The following DUSP16 variants were observed in gnomAD, a reference collection of about 807,000 sequenced individuals.
The protein encoded by DUSP16 is dual specificity phosphatase 16, also known as dual specificity protein phosphatase 16.
A neutral mutation model predicts 58.3 loss-of-function variants in DUSP16; 21 were observed. The ratio of observed to expected loss-of-function variants is 0.36; its 90% CI spans 0.26 to 0.52. DUSP16 has a LOEUF of 0.52. DUSP16 is among the 20% of genes least tolerant of loss of function. The pLI, the probability that DUSP16 is intolerant of heterozygous loss-of-function variation, is 0.94. For synonymous variants in DUSP16, 320 were observed against 323.8 expected (o/e 0.99, Z 0.12); for missense variants, 726 against 819.0 (o/e 0.89, Z 1.39).
At position 12,562,574 on chromosome 12, in the gene DUSP16, TGGGGGGTTGGG is replaced by T. The variant is rs1398200675; in HGVS notation, c.-834_-824del. On this transcript the variant is annotated 5_prime_UTR_variant, in exon 1 of 7. Coordinates refer to ENST00000298573, the MANE Select transcript of DUSP16 (RefSeq NM_030640.3). ...GAGGGGGAAAGGCGGGGGGGTGGGG[TGGGGGGTTGGG>T]GGAAAGAGAAAGAGTCGCTGGTCAG... 1.1e-4 allele frequency among the ~76,000 whole-genome samples: 1 copy of T among 9,104 alleles called. No individual in the cohort carries two copies. The highest frequency in any genetic ancestry group is 2.4e-4 in the Non-Finnish European group (1 of 4,248). The allele number at this position is 9,104 out of a possible 152,430, so 6.0% of individuals were successfully genotyped here.
chr12:12,486,980 C>G (rs918914880), intron 5 of DUSP16, 48 bp downstream of exon 5: 2 of 1,604,416 alleles, frequency 1.2e-6, no homozygotes, highest in Non-Finnish European at 1.7e-6. Flanking sequence ...TTCACCTACA[C>G]ATGAGACGAT....
At chr12:12,510,997 T>G (rs1050089833) in intron 3 of DUSP16, among the ~76,000 whole-genome samples, 2 of 152,238 alleles carry the variant, frequency 1.3e-5, no homozygotes, top group Non-Finnish European at 2.9e-5. Flanking sequence ...AGCCAGCCAC[T>G]GCAGGGCCTT....
intron 3 of DUSP16, among the ~76,000 whole-genome samples, chr12:12,502,590 T>C (rs1943925914): frequency 2.6e-5 from 4 of 151,330 alleles, no homozygotes. Context: ...TTGCTCTTGT[T>C]GCCCAGGCTA....
chr12:12,502,640 C>T (rs764867039), intron 3 of DUSP16, among the ~76,000 whole-genome samples: 5 of 151,382 alleles, frequency 3.3e-5, no homozygotes, highest in Admixed American at 6.6e-5. Flanking sequence ...CAATCTCCGC[C>T]TCCCGAGTTC....
chr12:12,477,422 T>A lies in DUSP16; in HGVS notation c.1409A>T (p.Lys470Met), dbSNP rs1251395018. 2.5e-6 allele frequency: 4 copies of A among 1,608,312 alleles called. No individual in the cohort carries two copies. Among genetic ancestry groups the A allele is most frequent in the Admixed American group, 1.7e-5 (1 of 59,380 alleles). Residue 470 changes from lysine to methionine, a missense_variant, in exon 7 of 7, where the codon AAG becomes ATG. Coordinates refer to ENST00000298573, the MANE Select transcript of DUSP16 (RefSeq NM_030640.3). The surrounding 1 kb of genome is among the most constrained non-coding windows in gnomAD (Gnocchi z 4.1). ...GTCTGAAGGCCTGGCGGTCTGCAGCTTCTTGGGGATGCTGGCTTCCTCCTT... is the reference window on the plus strand; with the variant it reads ...GTCTGAAGGCCTGGCGGTCTGCAGCATCTTGGGGATGCTGGCTTCCTCCTT... ...PDKEEASIPKKLQTARPSDSQ... is the reference protein window; with the variant it reads ...PDKEEASIPKMLQTARPSDSQ...
chr12:12,540,110 C>T (rs1221502132), intron 1 of DUSP16, among the ~76,000 whole-genome samples: 1 of 149,048 alleles, frequency 6.7e-6, no homozygotes, highest in Non-Finnish European at 1.5e-5. Context: ...AGGCAACATA[C>T]TGAGACCCCG....
chr12:12,501,691 A>G (rs1287109534), intron 3 of DUSP16, among the ~76,000 whole-genome samples: 1 of 152,156 alleles, frequency 6.6e-6, no homozygotes, highest in Admixed American at 6.5e-5. Flanking sequence ...TATATTTTTA[A>G]CATTAAATTT....
chr12:12,525,484 G>T (rs1003704550), intron 1 of DUSP16, among the ~76,000 whole-genome samples: 1 of 151,812 alleles, frequency 6.6e-6, no homozygotes, highest in Non-Finnish European at 1.5e-5. Flanking sequence ...GGCTGGTCTC[G>T]AACTCCCGAC....
rs1461306305 is a variant in DUSP16 at position 12,520,768 on chromosome 12, T to C, written c.228+103A>G. On this transcript the variant is annotated intron_variant, in intron 2 of 6. Coordinates refer to ENST00000298573, the MANE Select transcript of DUSP16 (RefSeq NM_030640.3). ...CCAAAATTTAAAAAGCAACCAAAAC[T>C]TCCTCAAATTACTTTCTCTACTTAA... 2.9e-6 allele frequency: 4 copies of C among 1,392,800 alleles called. No homozygotes were observed. In the African/African-American group the frequency reaches 4.4e-5, roughly 15 times the overall value. The allele number at this position is 1,392,800 out of a possible 1,614,324, so 86.3% of individuals were successfully genotyped here.
chr12:12,548,273 C>G (rs1944676221), intron 1 of DUSP16, among the ~76,000 whole-genome samples: 2 of 152,100 alleles, frequency 1.3e-5, no homozygotes, highest in African/African-American at 2.4e-5. Context: ...TGAACATCAC[C>G]AATCACCAGA....
chr12:12,528,538 G>C (rs1249041235), intron 1 of DUSP16, among the ~76,000 whole-genome samples: 1 of 152,140 alleles, frequency 6.6e-6, no homozygotes. Context: ...CGTGCATCCT[G>C]GTTTTCTTGA....
At chr12:12,529,067 G>A (rs1328000012) in intron 1 of DUSP16, among the ~76,000 whole-genome samples, 1 of 152,092 alleles carries the variant, frequency 6.6e-6, no homozygotes, top group Admixed American at 6.6e-5. Flanking sequence ...TCAGAACTAT[G>A]GTTATATCTA....
chr12:12,556,049 A>G (rs1238615723), intron 1 of DUSP16, among the ~76,000 whole-genome samples: 1 of 152,202 alleles, frequency 6.6e-6, no homozygotes, highest in Non-Finnish European at 1.5e-5. Context: ...TCAAAAAAAT[A>G]AAAATTAAAT....
intron 3 of DUSP16, among the ~76,000 whole-genome samples, chr12:12,505,534 TTGG>T (rs1363463018): frequency 1.3e-5 from 2 of 152,198 alleles, no homozygotes; most frequent in Non-Finnish European, 2.9e-5. Context: ...CATTTACAAG[TTGG>T]TAGTAGACCT....
At chr12:12,547,142 A>G (rs749491664) in intron 1 of DUSP16, among the ~76,000 whole-genome samples, 2 of 152,332 alleles carry the variant, frequency 1.3e-5, no homozygotes, top group Non-Finnish European at 2.9e-5. Flanking sequence ...ATTTAAAACA[A>G]TAACAGGCCA....
At chr12:12,509,322 C>A (rs896373587) in intron 3 of DUSP16, among the ~76,000 whole-genome samples, 1 of 152,068 alleles carries the variant, frequency 6.6e-6, no homozygotes, top group Non-Finnish European at 1.5e-5. Context: ...AAACCACAGG[C>A]AAGCACAAGT....
chr12:12,478,923 AATC>A (rs1462583240), intron 6 of DUSP16, among the ~76,000 whole-genome samples: 1 of 152,242 alleles, frequency 6.6e-6, no homozygotes, highest in Non-Finnish European at 1.5e-5. Context: ...TTATGCACTG[AATC>A]ATCATTTCAT....
At chr12:12,553,224 G>C (rs1944758444) in intron 1 of DUSP16, among the ~76,000 whole-genome samples, 1 of 152,084 alleles carries the variant, frequency 6.6e-6, no homozygotes, top group African/African-American at 2.4e-5. Flanking sequence ...AATGTGTCCT[G>C]AGACCAAAAT....
chr12:12,488,013 GAGC>G (rs1943709651), intron 4 of DUSP16, among the ~76,000 whole-genome samples: 1 of 152,074 alleles, frequency 6.6e-6, no homozygotes, highest in Non-Finnish European at 1.5e-5. Context: ...AAGCCACCAG[GAGC>G]TCTTGAAGTT....
Sources: gnomAD v4.1 joint callset for allele counts (sites outside exome capture counted in the v4.1 genomes callset) on GRCh38, gnomAD v4.1.1 for gene constraint, Gnocchi (gnomAD v3.1) non-coding constraint, MANE v1.5 for transcripts, NCBI Gene and HGNC (gene_info 2026-07-23, HGNC 2026-07-21) for gene names.